Variants in IPO5 observed in about 807,000 individuals in gnomAD.
The protein encoded by IPO5 is importin 5.
IPO5 carries 18 observed loss-of-function variants against 143.3 expected under a neutral mutation model. The ratio of observed to expected loss-of-function variants is 0.13; its 90% CI spans 0.09 to 0.19. The LOEUF (loss-of-function observed/expected upper bound fraction) is 0.19. IPO5 is among the 10% of genes least tolerant of loss of function. The pLI, the probability that IPO5 is intolerant of heterozygous loss-of-function variation, is 1.00. For missense variants in IPO5, 1,013 were observed against 1,336.9 expected, an observed-to-expected ratio of 0.76 and a Z score of 3.78; for synonymous variants, 477 against 465.7, an observed-to-expected ratio of 1.02 and a Z score of -0.31.
At chr13:98,001,278 T>G (rs1297405514) in intron 13 of IPO5, among the ~76,000 whole-genome samples, 1 of 152,254 alleles carries the variant, frequency 6.6e-6, no homozygotes, top group East Asian at 1.9e-4. Flanking sequence ...TCATTTGTGT[T>G]TTTTAATTAT....
At chr13:98,010,288 T>C in intron 20 of IPO5, 64 bp downstream of exon 20, 1 of 1,407,216 alleles carries the variant, frequency 7.1e-7, no homozygotes, top group Non-Finnish European at 9.8e-7. Context: ...ATATGAGTGC[T>C]TTTAATAGCT....
At chr13:97,990,295 A>G (rs1887701252) in intron 8 of IPO5, 73 bp downstream of exon 8, 6 of 1,207,634 alleles carry the variant, frequency 5.0e-6, no homozygotes, top group Non-Finnish European at 6.0e-6. Context: ...GTATATTAGG[A>G]GGTTGTTTTC....
chr13:97,999,798 TG>T (rs746698686), intron 12 of IPO5, among the ~76,000 whole-genome samples: 10 of 152,196 alleles, frequency 6.6e-5, no homozygotes, highest in Non-Finnish European at 1.3e-4. Context: ...AAACTCACAG[TG>T]GGGAAGATTA....
chr13:98,014,965 T>G (rs1019529135), intron 22 of IPO5, among the ~76,000 whole-genome samples: 2 of 152,098 alleles, frequency 1.3e-5, no homozygotes, highest in South Asian at 2.1e-4. Context: ...TGCCTTCCTC[T>G]TCATTGAGTC....
At chr13:97,956,466 A>G (rs1884467626) in intron 2 of IPO5, among the ~76,000 whole-genome samples, 1 of 152,174 alleles carries the variant, frequency 6.6e-6, no homozygotes, top group African/African-American at 2.4e-5. Flanking sequence ...CAGAAAATTA[A>G]TTTTCATAAA....
chr13:98,002,413 A>G, intron 13 of IPO5, 54 bp from the exon 14 acceptor site: 2 of 1,553,764 alleles, frequency 1.3e-6, no homozygotes, highest in East Asian at 2.2e-5. Flanking sequence ...CCTCTACCAG[A>G]ATGACATGTT....
chr13:97,969,741 A>G lies in IPO5; in HGVS notation c.-94A>G. ...AAATCAGCAGAGGAAAGAAATTCCT[A>G]AGGGAACACTGCTCAGAAAGTACTG... is the stretch of plus-strand genomic sequence containing the variant. On this transcript the variant is annotated 5_prime_UTR_variant, in exon 3 of 29. Coordinates refer to ENST00000651721, the MANE Select transcript of IPO5 (RefSeq NM_002271.6). 3.9e-6 allele frequency: 6 copies of G among 1,557,364 alleles called. No homozygotes were observed. The highest frequency in any genetic ancestry group is 5.3e-6 in the Non-Finnish European group (6 of 1,129,030).
intron 11 of IPO5, among the ~76,000 whole-genome samples, chr13:97,996,296 C>A (rs1370264665): frequency 6.6e-6 from 1 of 152,080 alleles, no homozygotes; most frequent in East Asian, 1.9e-4. Context: ...AGGGATCCTC[C>A]CACCTAAGCC....
chr13:97,982,268 A>G (rs1886913413), intron 4 of IPO5: 4 of 415,658 alleles, frequency 9.6e-6, no homozygotes. Flanking sequence ...GAAAACATGC[A>G]CACACATTAG....
Position 98,008,522 on chromosome 13 carries a change from C to G in IPO5, c.1800+380C>G, listed in dbSNP as rs1234341512. Among the ~76,000 whole-genome samples the G allele has an allele frequency of 5.9e-5, 9 of 152,190 alleles. No homozygotes were observed. In the East Asian group the frequency reaches 9.6e-4, roughly 16 times the overall value. On this transcript the variant is annotated intron_variant, in intron 18 of 28. Coordinates refer to ENST00000651721, the MANE Select transcript of IPO5 (RefSeq NM_002271.6). ...ATAGACATCTCCATTTGGGTGTCTC[C>G]TAGCCCTTTGAAGGCTGCATGATCT...
chr13:97,977,739 C>A (rs766172209), intron 4 of IPO5, among the ~76,000 whole-genome samples: 1 of 152,166 alleles, frequency 6.6e-6, no homozygotes, highest in Non-Finnish European at 1.5e-5. Flanking sequence ...GACCACGATT[C>A]TTGTGGGATA....
chr13:98,010,128 T>C lies in IPO5; in HGVS notation c.1959T>C (p.Asp653=), dbSNP rs552459617. 5.0e-6 allele frequency: 8 copies of C among 1,614,138 alleles called. No homozygotes were observed. The South Asian group carries it at 8.8e-5, about 18-fold the overall frequency. The change falls in exon 20 of 29, where the codon GAT becomes GAC. Residue 653 remains aspartate, a synonymous_variant. Coordinates refer to ENST00000651721, the MANE Select transcript of IPO5 (RefSeq NM_002271.6). ...CCCAAGACATGGAGAATATGAGTGA[T>C]GATGATGGTTGGGAATTTGTGAACC... is the stretch of plus-strand genomic sequence containing the variant. The part of the protein sequence containing the change: ...LDTQDMENMS[D]DDGWEFVNLG...
chr13:98,017,464 G>A (rs1413415205), intron 25 of IPO5, among the ~76,000 whole-genome samples: 6 of 151,694 alleles, frequency 4.0e-5, no homozygotes, highest in African/African-American at 1.2e-4. Context: ...CACACCCGAC[G>A]AATTTTTTGT....
At chr13:97,953,886 G>A (rs764026467) in intron 1 of IPO5, 170 bp downstream of exon 1, 37 of 455,844 alleles carry the variant, frequency 8.1e-5, no homozygotes, top group South Asian at 1.9e-4. Flanking sequence ...GGAAGGAAAC[G>A]TCAGAGACAA....
At chr13:97,989,454 A>C (rs1042898643) in intron 7 of IPO5, among the ~76,000 whole-genome samples, 3 of 152,136 alleles carry the variant, frequency 2.0e-5, no homozygotes, top group African/African-American at 7.2e-5. Flanking sequence ...TTTGGAGATT[A>C]ACACAATACT....
intron 14 of IPO5, 37 bp downstream of exon 14, chr13:98,002,628 T>C (rs2139773573): frequency 1.2e-6 from 2 of 1,608,562 alleles, no homozygotes; most frequent in East Asian, 2.2e-5. Context: ...AAATGATTAG[T>C]GTAGCTTCAT....
intron 12 of IPO5, among the ~76,000 whole-genome samples, chr13:97,998,919 G>C (rs919099690): frequency 1.3e-5 from 2 of 152,156 alleles, no homozygotes; most frequent in African/African-American, 4.8e-5. Flanking sequence ...GAGGCAGGCA[G>C]ATCACCTGAG....
chr13:97,963,438 C>T (rs923752155), intron 2 of IPO5, among the ~76,000 whole-genome samples: 1 of 149,380 alleles, frequency 6.7e-6, no homozygotes, highest in Non-Finnish European at 1.5e-5. Context: ...GGTGGAATCT[C>T]AGCTCACTGC....
chr13:97,977,697 C>G (rs1886496043), intron 4 of IPO5, among the ~76,000 whole-genome samples: 1 of 152,186 alleles, frequency 6.6e-6, no homozygotes, highest in African/African-American at 2.4e-5. Flanking sequence ...ACCAAGTTCA[C>G]TAGAAGACTG....
Sources: allele counts gnomAD v4.1 joint callset (sites outside exome capture counted in the v4.1 genomes callset), GRCh38; gene constraint gnomAD v4.1.1; transcripts MANE v1.5; gene names NCBI Gene and HGNC (gene_info 2026-07-23, HGNC 2026-07-21).